HPSE2: variants seen among roughly 807,000 people sequenced by gnomAD.
HPSE2 encodes heparanase 2 (inactive).
Under a neutral mutation model 60.5 loss-of-function variants are expected in HPSE2, and 38 were observed. The ratio of observed to expected loss-of-function variants is 0.63; its 90% CI spans 0.48 to 0.82. The LOEUF (loss-of-function observed/expected upper bound fraction) is 0.82, where lower values mean the gene tolerates loss of function less well. HPSE2 is among the 40% of genes least tolerant of loss of function. The probability of loss-of-function intolerance (pLI) is 0.00; values close to 1 mark genes in which losing one functional copy is unlikely to be tolerated. For synonymous variants in HPSE2, 295 were observed against 293.2 expected (o/e 1.01, Z -0.06); for missense variants, 713 against 740.4 (o/e 0.96, Z 0.43).
chr10:98,542,988 A>G (rs1364510140), intron 9 of HPSE2, among the ~76,000 whole-genome samples: 1 of 152,058 alleles, frequency 6.6e-6, no homozygotes, highest in Non-Finnish European at 1.5e-5. Context: ...TGCCACAAAG[A>G]TACTCCTCGA....
At chr10:98,888,343 C>T (rs538958562) in intron 3 of HPSE2, among the ~76,000 whole-genome samples, 1 of 151,830 alleles carries the variant, frequency 6.6e-6, no homozygotes, top group African/African-American at 2.4e-5. Flanking sequence ...ATAAAGAAAT[C>T]ATCTTTACTG....
chr10:99,028,421 T>G (rs1957425652), intron 3 of HPSE2, among the ~76,000 whole-genome samples: 1 of 151,990 alleles, frequency 6.6e-6, no homozygotes, highest in Non-Finnish European at 1.5e-5. Context: ...ACCTAGGAAT[T>G]AACCAAAGAA....
In HPSE2 at chr10:99,167,103, C is replaced by T. The variant is rs548628994; in HGVS notation, c.449-22704G>A. On this transcript the variant is annotated intron_variant, in intron 2 of 11. Transcript: ENST00000370552. ...TTGACCCACTGCAGCCTCTGCCTCC[C>T]GGATTCAAGCAATTCTCCTGTCTCA... Among the ~76,000 whole-genome samples the T allele has an allele frequency of 2.2e-4, 34 of 152,114 alleles. 1 individual carries two copies. Among genetic ancestry groups the T allele is most frequent in the Middle Eastern group, 3.4e-3 (1 of 294 alleles).
At chr10:98,743,206 C>T (rs1202416003) in intron 4 of HPSE2, among the ~76,000 whole-genome samples, 2 of 151,770 alleles carry the variant, frequency 1.3e-5, no homozygotes, top group East Asian at 1.9e-4. Flanking sequence ...TTCCTGACCT[C>T]GTGATCCGCC....
At chr10:98,554,692 C>T (rs1943955717) in intron 9 of HPSE2, among the ~76,000 whole-genome samples, 1 of 152,106 alleles carries the variant, frequency 6.6e-6, no homozygotes, top group Non-Finnish European at 1.5e-5. Flanking sequence ...CCTAGAAACC[C>T]TTGCAATTTT....
At chr10:98,497,156 C>T (rs750337904) in intron 9 of HPSE2, among the ~76,000 whole-genome samples, 6 of 152,140 alleles carry the variant, frequency 3.9e-5, no homozygotes, top group African/African-American at 7.2e-5. Context: ...ATCCTTATCA[C>T]ATACTAAGTA....
At chr10:98,476,951 T>C (rs905965826) in intron 11 of HPSE2, among the ~76,000 whole-genome samples, 1 of 152,228 alleles carries the variant, frequency 6.6e-6, no homozygotes, top group Non-Finnish European at 1.5e-5. Context: ...GACAATATCA[T>C]GACAGAGTCC....
chr10:99,213,229 T>C (rs943618098), intron 2 of HPSE2, among the ~76,000 whole-genome samples: 1 of 152,044 alleles, frequency 6.6e-6, no homozygotes, highest in African/African-American at 2.4e-5. Flanking sequence ...CTAAGGTAAG[T>C]CCAAAATGCA....
intron 9 of HPSE2, among the ~76,000 whole-genome samples, chr10:98,570,865 T>C (rs1215035897): frequency 1.3e-5 from 2 of 152,164 alleles, no homozygotes; most frequent in Admixed American, 1.3e-4. Flanking sequence ...AAAATACGAT[T>C]CTTTCTCAGA....
At chr10:99,069,353 CATA>C (rs892740778) in intron 3 of HPSE2, among the ~76,000 whole-genome samples, 26 of 151,932 alleles carry the variant, frequency 1.7e-4, no homozygotes, top group African/African-American at 6.0e-4. Flanking sequence ...CATAAGGTAA[CATA>C]GTAGGACGTT....
chr10:98,984,581 G>A (rs1228376778), intron 3 of HPSE2, among the ~76,000 whole-genome samples: 2 of 152,208 alleles, frequency 1.3e-5, no homozygotes. Context: ...AAAAATCAGA[G>A]TGCCTCTCCT....
chr10:98,712,401 C>T (rs61884638), intron 5 of HPSE2, among the ~76,000 whole-genome samples: 2 of 151,884 alleles, frequency 1.3e-5, no homozygotes, highest in East Asian at 1.9e-4. Context: ...GTGCCTTGGG[C>T]CCATAAAAGT....
chr10:99,000,003 T>C (rs1256871084), intron 3 of HPSE2, among the ~76,000 whole-genome samples: 1 of 151,954 alleles, frequency 6.6e-6, no homozygotes, highest in Non-Finnish European at 1.5e-5. Context: ...GCAGTGCAAA[T>C]GTGAAATGGC....
At chr10:99,000,099 A>C (rs1481300214) in intron 3 of HPSE2, among the ~76,000 whole-genome samples, 2 of 152,140 alleles carry the variant, frequency 1.3e-5, no homozygotes, top group East Asian at 1.9e-4. Flanking sequence ...TAACATTTAT[A>C]AAAAGGCAGA....
chr10:98,913,937 T>TA (rs1954047676), intron 3 of HPSE2, among the ~76,000 whole-genome samples: 1 of 152,178 alleles, frequency 6.6e-6, no homozygotes, highest in African/African-American at 2.4e-5. Flanking sequence ...AAAGCACTCA[T>TA]ACGCTTTTTC....
intron 5 of HPSE2, among the ~76,000 whole-genome samples, chr10:98,702,113 A>G (rs1948426375): frequency 6.6e-6 from 1 of 152,198 alleles, no homozygotes; most frequent in African/African-American, 2.4e-5. Context: ...ATGGAGGAAT[A>G]TTTACCAAGC....
intron 6 of HPSE2, among the ~76,000 whole-genome samples, chr10:98,648,748 A>T (rs1946842108): frequency 6.6e-6 from 1 of 152,180 alleles, no homozygotes; most frequent in Non-Finnish European, 1.5e-5. Flanking sequence ...CTAAAAAAAA[A>T]ATTAGAAAGC....
At chr10:98,776,465 T>C (rs957460321) in intron 3 of HPSE2, among the ~76,000 whole-genome samples, 2 of 151,632 alleles carry the variant, frequency 1.3e-5, no homozygotes, top group Non-Finnish European at 2.9e-5. Context: ...ATAATAACGA[T>C]AATAATAATA....
intron 3 of HPSE2, among the ~76,000 whole-genome samples, chr10:98,911,679 A>G (rs936178086): frequency 1.3e-5 from 2 of 152,182 alleles, no homozygotes; most frequent in Non-Finnish European, 2.9e-5. Context: ...AGAAGGCTAG[A>G]CTTCATTGTT....
Sources: allele counts gnomAD v4.1 joint callset (sites outside exome capture counted in the v4.1 genomes callset), GRCh38; gene constraint gnomAD v4.1.1; transcripts MANE v1.5; gene names NCBI Gene and HGNC (gene_info 2026-07-23, HGNC 2026-07-21).